The following SDK1 variants were observed in gnomAD, a reference collection of about 807,000 sequenced individuals.
SDK1 encodes the protein sidekick cell adhesion molecule 1.
Under a neutral mutation model 245.5 loss-of-function variants are expected in SDK1, and 157 were observed. The ratio of observed to expected loss-of-function variants is 0.64; its 90% CI spans 0.56 to 0.73. The LOEUF (loss-of-function observed/expected upper bound fraction) is 0.73, where lower values mean the gene tolerates loss of function less well. Ranked by LOEUF, SDK1 falls within the 30% of genes least tolerant of loss-of-function variation. SDK1 has a pLI of 0.00. For synonymous variants in SDK1, 1,647 were observed against 1,278.5 expected (o/e 1.29, Z -6.15); for missense variants, 3,583 against 3,002.3 (o/e 1.19, Z -4.52).
intron 5 of SDK1, among the ~76,000 whole-genome samples, chr7:3,830,520 G>C (rs755447574): frequency 2.0e-5 from 3 of 152,156 alleles, no homozygotes; most frequent in Non-Finnish European, 4.4e-5. Context: ...TTTGGAGACA[G>C]GGTCTTGCTC....
intron 14 of SDK1, among the ~76,000 whole-genome samples, chr7:4,000,305 A>G (rs1339979596): frequency 6.6e-6 from 1 of 152,158 alleles, no homozygotes; most frequent in Non-Finnish European, 1.5e-5. Flanking sequence ...TCCAGCATGG[A>G]ACGTTCTGGT....
At chr7:3,520,636 C>G (rs1371226127) in intron 1 of SDK1, among the ~76,000 whole-genome samples, 1 of 151,274 alleles carries the variant, frequency 6.6e-6, no homozygotes, top group Non-Finnish European at 1.5e-5. Flanking sequence ...TTCAGTTTGG[C>G]TATGGTAATC....
In SDK1 at chr7:3,368,112, A is replaced by T. The variant is rs915890166; in HGVS notation, c.298+66228A>T. Among the ~76,000 whole-genome samples the T allele has an allele frequency of 5.3e-5, 8 of 152,330 alleles. 1 individual carries two copies. The highest frequency in any genetic ancestry group is 4.6e-4 in the Admixed American group (7 of 15,304). On this transcript the variant is annotated intron_variant, in intron 1 of 44. Transcript: ENST00000404826. The stretch of plus-strand genomic sequence containing the variant: ...TCATATTTTTGTAAGTATATTATTG[A>T]CTTCCAATTAAAATTAGTCCTAGTA...
At chr7:4,125,037 A>G (rs12155293) in intron 25 of SDK1, among the ~76,000 whole-genome samples, 29,544 of 145,834 alleles carry the variant, frequency 0.2, 3,891 homozygotes, top group East Asian at 0.74. Context: ...TGGATGAATG[A>G]ATAGATGGAT....
At chr7:3,630,645 A>G (rs1043471251) in intron 2 of SDK1, among the ~76,000 whole-genome samples, 5 of 152,146 alleles carry the variant, frequency 3.3e-5, no homozygotes, top group African/African-American at 1.2e-4. Context: ...CAAGAAGAAA[A>G]AAATTTAAGA....
At chr7:4,228,124 T>A (rs1785546335) in intron 40 of SDK1, among the ~76,000 whole-genome samples, 1 of 152,258 alleles carries the variant, frequency 6.6e-6, no homozygotes, top group Admixed American at 6.5e-5. Context: ...CTCTTGCTTT[T>A]TCCCACTCAG....
chr7:3,975,385 G>GC (rs1782839719), intron 13 of SDK1, among the ~76,000 whole-genome samples: 1 of 152,160 alleles, frequency 6.6e-6, no homozygotes. Flanking sequence ...GACATGCTGG[G>GC]CCTTTCGACA....
intron 4 of SDK1, among the ~76,000 whole-genome samples, chr7:3,746,704 A>G (rs1318965553): frequency 6.6e-6 from 1 of 152,238 alleles, no homozygotes; most frequent in African/African-American, 2.4e-5. Flanking sequence ...AGATTGTAGC[A>G]ATTCAGTCAT....
chr7:3,759,578 T>A (rs915854345), intron 4 of SDK1, among the ~76,000 whole-genome samples: 1 of 143,954 alleles, frequency 6.9e-6, no homozygotes, highest in Non-Finnish European at 1.5e-5. Context: ...CTTTTTAAAT[T>A]TTTTTCATTA....
chr7:3,485,198 T>A (rs933602050), intron 1 of SDK1, among the ~76,000 whole-genome samples: 2 of 152,190 alleles, frequency 1.3e-5, no homozygotes, highest in African/African-American at 4.8e-5. Flanking sequence ...AGCTATCATA[T>A]CTGGGGTGAG....
intron 1 of SDK1, among the ~76,000 whole-genome samples, chr7:3,558,313 A>G (rs979798522): frequency 1.3e-5 from 2 of 152,232 alleles, no homozygotes. Flanking sequence ...CCTAGGACAC[A>G]TTCTTTTTAT....
intron 1 of SDK1, among the ~76,000 whole-genome samples, chr7:3,377,233 G>C (rs1449660007): frequency 6.6e-6 from 1 of 152,170 alleles, no homozygotes; most frequent in Admixed American, 6.5e-5. Context: ...TTGTGGCTGT[G>C]TGTCTTCATC....
At position 4,266,140 on chromosome 7, in the gene SDK1, C is replaced by T; in HGVS notation, c.*756C>T. ...TTAGGGCTGGAAGCCACCACGCTGGCCCTCTCCTTCCCCGAACACAGCACA... is the reference window on the plus strand; with the variant it reads ...TTAGGGCTGGAAGCCACCACGCTGGTCCTCTCCTTCCCCGAACACAGCACA... On this transcript the variant is annotated 3_prime_UTR_variant, in exon 45 of 45. Transcript: ENST00000404826. 1.0e-6 allele frequency: 1 copy of T among 985,518 alleles called. No individual in the cohort carries two copies. Among genetic ancestry groups the T allele is most frequent in the Non-Finnish European group, 1.2e-6 (1 of 829,972 alleles). 61.0% of individuals were successfully genotyped at this position (985,518 alleles called of 1,614,324 possible).
intron 1 of SDK1, among the ~76,000 whole-genome samples, chr7:3,562,542 T>C (rs1341295847): frequency 6.6e-6 from 1 of 152,200 alleles, no homozygotes; most frequent in Non-Finnish European, 1.5e-5. Context: ...TTAGCTTCTG[T>C]ATAGTGGCTA....
At chr7:4,238,327 G>A (rs569801626) in intron 42 of SDK1, among the ~76,000 whole-genome samples, 4 of 151,992 alleles carry the variant, frequency 2.6e-5, no homozygotes, top group Non-Finnish European at 5.9e-5. Flanking sequence ...TGATCTGCCC[G>A]CCTCAGCCTC....
intron 4 of SDK1, among the ~76,000 whole-genome samples, chr7:3,757,705 C>T (rs565126122): frequency 1.2e-4 from 19 of 152,162 alleles, no homozygotes; most frequent in African/African-American, 3.1e-4. Flanking sequence ...TCCAACACCC[C>T]GGAGGCTCTT....
Position 4,267,521 on chromosome 7 carries a change from G to T in SDK1, c.*2137G>T. 1.0e-6 allele frequency: 1 copy of T among 985,472 alleles called. No individual in the cohort carries two copies. The highest frequency in any genetic ancestry group is 1.2e-6 in the Non-Finnish European group (1 of 829,978). The allele number at this position is 985,472 out of a possible 1,614,324, so 61.0% of individuals were successfully genotyped here. A position where few individuals can be genotyped will look rare whatever the true frequency, so the allele number is the denominator to read the frequency against. ...GGCCCCGGAGAGGGCGAAGTGGGCG[G>T]GAAGCCAGGATGTGAGCACTGGAAT... On this transcript the variant is annotated 3_prime_UTR_variant, in exon 45 of 45. Transcript: ENST00000404826.
chr7:3,339,619 A>G (rs1356151553), intron 1 of SDK1, among the ~76,000 whole-genome samples: 1 of 151,000 alleles, frequency 6.6e-6, no homozygotes, highest in Non-Finnish European at 1.5e-5. Context: ...AGGCAACAGG[A>G]AAATTTCTAA....
At chr7:3,566,835 C>T (rs984136081) in intron 1 of SDK1, among the ~76,000 whole-genome samples, 3 of 151,846 alleles carry the variant, frequency 2.0e-5, no homozygotes, top group Admixed American at 2.0e-4. Flanking sequence ...AATCTTCAAG[C>T]TCATTATTAC....
Sources: gnomAD v4.1 joint callset for allele counts (sites outside exome capture counted in the v4.1 genomes callset) on GRCh38, gnomAD v4.1.1 for gene constraint, MANE v1.5 for transcripts, NCBI Gene and HGNC (gene_info 2026-07-23, HGNC 2026-07-21) for gene names.